NKD2: variants seen among roughly 807,000 people sequenced by gnomAD.
NKD2 encodes the protein protein naked cuticle homolog 2.
NKD2 carries 43 observed loss-of-function variants against 34.8 expected under a neutral mutation model. The ratio of observed to expected loss-of-function variants is 1.24; its 90% CI spans 0.97 to 1.60. The LOEUF is 1.60. Ranked by LOEUF, NKD2 falls within the 40% of genes most tolerant of loss-of-function variation. NKD2 has a pLI of 0.00. For missense variants in NKD2, 675 were observed against 627.1 expected, an observed-to-expected ratio of 1.08 and a Z score of -0.82; for synonymous variants, 278 against 265.1, an observed-to-expected ratio of 1.05 and a Z score of -0.47.
At chr5:1,013,631 T>C (rs968291669) in intron 3 of NKD2, among the ~76,000 whole-genome samples, 1 of 152,150 alleles carries the variant, frequency 6.6e-6, no homozygotes, top group Admixed American at 6.5e-5. Flanking sequence ...GGGCTGTGTG[T>C]GCGCCCAAGC....
intron 3 of NKD2, among the ~76,000 whole-genome samples, chr5:1,015,693 G>A (rs1755923086): frequency 6.6e-6 from 1 of 152,220 alleles, no homozygotes; most frequent in Non-Finnish European, 1.5e-5. Context: ...GCCCGCACAT[G>A]CTGCCGCCAG....
Position 1,009,632 on chromosome 5 carries a change from TC to T in NKD2, c.141+74del, listed in dbSNP as rs1210950523. On this transcript the variant is annotated intron_variant, in intron 3 of 9. Coordinates refer to ENST00000296849, the MANE Select transcript of NKD2 (RefSeq NM_033120.4). The surrounding 1 kb of genome is among the most constrained non-coding windows in gnomAD (Gnocchi z 6.9). ...GGGCGGGGAGCGGTGTCAGAGCTGT[TC>T]CTGGTGCCCGCCCGCGGACAGGCGA... is the stretch of plus-strand genomic sequence containing the variant. The T allele has an allele frequency of 7.2e-5, 89 of 1,241,152 alleles. No individual in the cohort carries two copies. The South Asian group carries it at 1.3e-3, about 19-fold the overall frequency. The allele number at this position is 1,241,152 out of a possible 1,614,324, so 76.9% of individuals were successfully genotyped here.
intron 3 of NKD2, among the ~76,000 whole-genome samples, chr5:1,017,458 G>A (rs1223954583): frequency 4.6e-5 from 7 of 152,256 alleles, no homozygotes; most frequent in Non-Finnish European, 7.3e-5. Context: ...CCTGAGGGCT[G>A]TGGTGTAACA....
In NKD2 at chr5:1,036,391, C is replaced by T. The variant is rs748931530; in HGVS notation, c.787+7C>T. 5.6e-6 allele frequency: 9 copies of T among 1,610,176 alleles called. No individual in the cohort carries two copies. The highest frequency in any genetic ancestry group is 6.8e-6 in the Non-Finnish European group (8 of 1,178,382). On this transcript the variant is annotated splice_region_variant and intron_variant, in intron 9 of 9. Coordinates refer to ENST00000296849, the MANE Select transcript of NKD2 (RefSeq NM_033120.4). ...ACGTCCAGATTCGGCCCTGGTAGGT[C>T]CTGGAGGCCACCCTGGGCGTGAGGC...
chr5:1,028,088 C>T (rs576399338), intron 3 of NKD2, among the ~76,000 whole-genome samples: 4 of 152,178 alleles, frequency 2.6e-5, no homozygotes, highest in Non-Finnish European at 4.4e-5. Flanking sequence ...CGTGCCTGGC[C>T]GCCTGTGGAG....
At chr5:1,029,878 C>T (rs1221929062) in intron 3 of NKD2, among the ~76,000 whole-genome samples, 6 of 152,120 alleles carry the variant, frequency 3.9e-5, no homozygotes, top group Admixed American at 1.3e-4. Context: ...GTGCTGTACG[C>T]GCTGGCCCTC....
At chr5:1,010,551 T>C (rs1399292736) in intron 3 of NKD2, among the ~76,000 whole-genome samples, 3 of 152,214 alleles carry the variant, frequency 2.0e-5, no homozygotes, top group Non-Finnish European at 4.4e-5. Flanking sequence ...GAGTTAGGAT[T>C]GGTGCTTCCT....
In NKD2 at chr5:1,011,491, G is replaced by A. The variant is rs180923715; in HGVS notation, c.141+1931G>A. The stretch of plus-strand genomic sequence containing the variant: ...TCGCCCATCGTCCTTGTCCTCCCAG[G>A]TGGTATCCACTGAGGAGGGCCAGTC... On this transcript the variant is annotated intron_variant, in intron 3 of 9. Transcript: ENST00000296849. 1.8e-4 allele frequency among the ~76,000 whole-genome samples: 28 copies of A among 152,300 alleles called. No individual in the cohort carries two copies. In the East Asian group the frequency reaches 5.2e-3, roughly 28 times the overall value.
intron 3 of NKD2, among the ~76,000 whole-genome samples, chr5:1,029,255 A>G (rs545504304): frequency 3.3e-5 from 5 of 152,304 alleles, no homozygotes; most frequent in Admixed American, 3.3e-4. Flanking sequence ...TCTAGGGAAT[A>G]AGGGGATATT....
chr5:1,009,598 C>A lies in NKD2; in HGVS notation c.141+38C>A. 1 of 1,395,168 alleles carries A rather than the reference C, an allele frequency of 7.2e-7. No homozygotes were observed. Among genetic ancestry groups the A allele is most frequent in the Non-Finnish European group, 9.2e-7 (1 of 1,082,592 alleles). The allele number at this position is 1,395,168 out of a possible 1,614,324, so 86.4% of individuals were successfully genotyped here. ...GCGGAGGCTGGGGTCGCGCTGCGCA[C>A]CCGCCCGGGGGCGGGGAGCGGTGTC... On this transcript the variant is annotated intron_variant, in intron 3 of 9. Transcript: ENST00000296849. This position sits in a 1 kb window ranked among gnomAD's most constrained non-coding sequence, Gnocchi z 6.9.
chr5:1,021,304 G>A (rs1268174605), intron 3 of NKD2, among the ~76,000 whole-genome samples: 26 of 128,314 alleles, frequency 2.0e-4, no homozygotes, highest in Admixed American at 1.2e-3. Context: ...TCCCCTGCCC[G>A]GTCCCCCCGG....
At chr5:1,017,701 C>A (rs1401940845) in intron 3 of NKD2, among the ~76,000 whole-genome samples, 1 of 152,246 alleles carries the variant, frequency 6.6e-6, no homozygotes, top group Non-Finnish European at 1.5e-5. Context: ...AGCCCCAGGG[C>A]CTGAGCTGCT....
rs368439306 is a variant in NKD2 at position 1,029,739 on chromosome 5, C to T, written c.142-2413C>T. On this transcript the variant is annotated intron_variant, in intron 3 of 9. Transcript: ENST00000296849. ...GTCCAACCCGTCGCCCGCTGCCTGT[C>T]CTCAGGAGCCACCGCACCTCCGGCT... 7.2e-5 allele frequency among the ~76,000 whole-genome samples: 11 copies of T among 152,346 alleles called. No individual in the cohort carries two copies. The South Asian group carries it at 1.7e-3, about 23-fold the overall frequency.
chr5:1,012,765 G>GCTGCCCCTTCC (rs528465482), intron 3 of NKD2, among the ~76,000 whole-genome samples: 429 of 152,312 alleles, frequency 2.8e-3, no homozygotes, highest in Non-Finnish European at 4.1e-3. Context: ...CAGGGGTGGG[G>GCTGCCCCTTCC]CTGCCCCTTC....
intron 9 of NKD2, chr5:1,037,490 C>A (rs746520819): frequency 6.5e-7 from 1 of 1,530,820 alleles, no homozygotes; most frequent in South Asian, 1.2e-5. Context: ...CCTGATATAA[C>A]CTGGCTTTCT....
intron 3 of NKD2, among the ~76,000 whole-genome samples, chr5:1,016,007 G>T (rs1357384947): frequency 6.6e-6 from 1 of 152,234 alleles, no homozygotes; most frequent in East Asian, 1.9e-4. Flanking sequence ...GGTGCGGAAG[G>T]AGCCCTTCCT....
chr5:1,034,385 A>G (rs1733717705), intron 6 of NKD2, 55 bp downstream of exon 6: 5 of 1,424,352 alleles, frequency 3.5e-6, no homozygotes, highest in Non-Finnish European at 4.9e-6. Context: ...CGGGGCAGAC[A>G]GACTGTGCTG....
chr5:1,015,590 C>T (rs945118381), intron 3 of NKD2, among the ~76,000 whole-genome samples: 9 of 152,160 alleles, frequency 5.9e-5, no homozygotes, highest in Admixed American at 6.5e-5. Context: ...GCCTATGACA[C>T]CCCTAGGGAG....
intron 3 of NKD2, among the ~76,000 whole-genome samples, chr5:1,013,097 T>G (rs1390588652): frequency 6.6e-6 from 1 of 152,096 alleles, no homozygotes; most frequent in Non-Finnish European, 1.5e-5. Context: ...AGGTTGTGGG[T>G]GCCCAGTCCA....
Sources: allele counts gnomAD v4.1 joint callset (sites outside exome capture counted in the v4.1 genomes callset), GRCh38; gene constraint gnomAD v4.1.1; non-coding constraint Gnocchi (gnomAD v3.1); transcripts MANE v1.5; gene names NCBI Gene and HGNC (gene_info 2026-07-23, HGNC 2026-07-21).